ATRNL1: variants seen among roughly 807,000 people sequenced by gnomAD.
ATRNL1 encodes the protein attractin-like protein 1.
Under a neutral mutation model 182.7 loss-of-function variants are expected in ATRNL1, and 95 were observed. That is an observed-to-expected ratio of 0.52 (90% CI 0.44 to 0.62). The LOEUF (loss-of-function observed/expected upper bound fraction) is 0.62. Among genes scored for constraint, ATRNL1 ranks in the 20% least tolerant of loss-of-function variants. ATRNL1 has a pLI of 0.00. For missense variants in ATRNL1, 1,471 were observed against 1,679.5 expected, an observed-to-expected ratio of 0.88 and a Z score of 2.17; for synonymous variants, 576 against 568.3, an observed-to-expected ratio of 1.01 and a Z score of -0.19.
At chr10:115,540,704 C>G (rs1184441847) in intron 25 of ATRNL1, among the ~76,000 whole-genome samples, 1 of 147,630 alleles carries the variant, frequency 6.8e-6, no homozygotes, top group African/African-American at 2.5e-5. Flanking sequence ...TTGCAGTGAA[C>G]TAAGATCATG....
Position 115,160,127 on chromosome 10 carries a change from C to T in ATRNL1, c.917C>T (p.Ala306Val). 1 of 1,612,212 alleles carries T rather than the reference C, an allele frequency of 6.2e-7. No individual in the cohort carries two copies. Among genetic ancestry groups the T allele is most frequent in the South Asian group, 1.1e-5 (1 of 90,974 alleles). ...VKPFSPSVGR[A>V]SHKAVLHGKF... Reference sequence around the variant, plus strand: ...CCCTTCAGTCCTTCTGTAGGTCGGGCTTCACATAAAGCAGTTTTACACGGG... The same window carrying T: ...CCCTTCAGTCCTTCTGTAGGTCGGGTTTCACATAAAGCAGTTTTACACGGG... The change falls in exon 6 of 29, where the codon GCT becomes GTT. Residue 306 changes from alanine to valine, a missense_variant. By Grantham distance (64) the Ala-to-Val change is moderately conservative. This residue lies in a region of ATRNL1 where 1,031 missense variants were observed against 1,156.0 expected (regional missense o/e 0.89). Coordinates refer to ENST00000355044, the MANE Select transcript of ATRNL1 (RefSeq NM_207303.4).
chr10:115,550,155 C>G (rs189973089), intron 26 of ATRNL1, among the ~76,000 whole-genome samples: 1 of 151,600 alleles, frequency 6.6e-6, no homozygotes, highest in Admixed American at 6.6e-5. Flanking sequence ...TCGAAAGGAA[C>G]GAAGAAACAA....
At chr10:115,825,656 T>C (rs1216490915) in intron 27 of ATRNL1, among the ~76,000 whole-genome samples, 1 of 152,160 alleles carries the variant, frequency 6.6e-6, no homozygotes, top group African/African-American at 2.4e-5. Context: ...ACTTTTCCTG[T>C]TAATCGTCAG....
intron 27 of ATRNL1, among the ~76,000 whole-genome samples, chr10:115,844,865 GT>G (rs1950893127): frequency 6.6e-6 from 1 of 152,034 alleles, no homozygotes; most frequent in Non-Finnish European, 1.5e-5. Flanking sequence ...CAGTGAACAT[GT>G]TATGTCATTG....
chr10:115,856,543 G>C (rs1245633887), intron 28 of ATRNL1, among the ~76,000 whole-genome samples: 1 of 150,982 alleles, frequency 6.6e-6, no homozygotes, highest in African/African-American at 2.4e-5. Context: ...CCAACCTTTT[G>C]GCACCAGGGA....
chr10:115,124,981 C>T (rs1258165967), intron 3 of ATRNL1, among the ~76,000 whole-genome samples: 1 of 152,118 alleles, frequency 6.6e-6, no homozygotes, highest in Non-Finnish European at 1.5e-5. Flanking sequence ...TGTTGACTTT[C>T]ATCGTGAGTA....
chr10:115,512,298 T>G (rs1423769225), intron 24 of ATRNL1, among the ~76,000 whole-genome samples: 1 of 151,892 alleles, frequency 6.6e-6, no homozygotes, highest in Non-Finnish European at 1.5e-5. Context: ...TTAAAAGCAG[T>G]TGGCTAAATA....
At chr10:115,459,336 A>G (rs1316895049) in intron 21 of ATRNL1, among the ~76,000 whole-genome samples, 2 of 152,122 alleles carry the variant, frequency 1.3e-5, no homozygotes, top group Non-Finnish European at 2.9e-5. Flanking sequence ...ACAGAGCCAT[A>G]TTTCTCTTCT....
In ATRNL1 at chr10:115,402,113, T is replaced by C. The variant is rs189178515; in HGVS notation, c.3269+7361T>C. On this transcript the variant is annotated intron_variant, in intron 20 of 28. Coordinates refer to ENST00000355044, the MANE Select transcript of ATRNL1 (RefSeq NM_207303.4). ...TCTCTTGGTCAAATTCTGAATAATA[T>C]TATAAAAGGTATATTTTCAATTTAC... 2.0e-5 allele frequency among the ~76,000 whole-genome samples: 3 copies of C among 152,236 alleles called. No homozygotes were observed. In the East Asian group the frequency reaches 5.8e-4, roughly 29 times the overall value.
At chr10:115,885,306 G>A (rs189230530) in intron 28 of ATRNL1, among the ~76,000 whole-genome samples, 2 of 152,304 alleles carry the variant, frequency 1.3e-5, no homozygotes, top group East Asian at 3.9e-4. Flanking sequence ...CTCCTTGAAG[G>A]TGGGAAGATG....
intron 18 of ATRNL1, among the ~76,000 whole-genome samples, chr10:115,324,658 G>A (rs919141692): frequency 6.6e-6 from 1 of 152,034 alleles, no homozygotes; most frequent in East Asian, 1.9e-4. Context: ...ATATCCCAGG[G>A]GACTTAAAAT....
intron 26 of ATRNL1, among the ~76,000 whole-genome samples, chr10:115,621,317 T>A (rs782666778): frequency 0.028 from 2,215 of 79,084 alleles, 69 homozygotes; most frequent in African/African-American, 0.083. Flanking sequence ...AGAGAGAGTG[T>A]GTGAGTGAGT....
chr10:115,853,896 T>C (rs115140686), intron 28 of ATRNL1, among the ~76,000 whole-genome samples: 5,528 of 152,272 alleles, frequency 0.036, 293 homozygotes, highest in African/African-American at 0.11. Flanking sequence ...AAAAAATATC[T>C]GATATTAAAA....
intron 24 of ATRNL1, among the ~76,000 whole-genome samples, chr10:115,472,162 A>G (rs1331533893): frequency 2.0e-5 from 3 of 150,864 alleles, no homozygotes; most frequent in Non-Finnish European, 4.5e-5. Context: ...GACGCTGTCT[A>G]TGGGTTTATT....
intron 25 of ATRNL1, among the ~76,000 whole-genome samples, chr10:115,526,929 A>T (rs781795098): frequency 1.3e-5 from 2 of 151,948 alleles, no homozygotes; most frequent in African/African-American, 4.8e-5. Context: ...AGCAAAAGTT[A>T]CCCATCAAAG....
chr10:115,688,252 T>G (rs2133966013), intron 26 of ATRNL1, among the ~76,000 whole-genome samples: 1 of 152,322 alleles, frequency 6.6e-6, no homozygotes. Flanking sequence ...ATAGCTTTGC[T>G]ATCACGAACA....
chr10:115,153,624 A>T (rs1846354835), intron 5 of ATRNL1, among the ~76,000 whole-genome samples: 1 of 151,974 alleles, frequency 6.6e-6, no homozygotes, highest in Non-Finnish European at 1.5e-5. Flanking sequence ...TAGACTTGCT[A>T]GCGGTCTATC....
chr10:115,923,943 A>G (rs1416903736), intron 28 of ATRNL1, among the ~76,000 whole-genome samples: 1 of 152,168 alleles, frequency 6.6e-6, no homozygotes, highest in Non-Finnish European at 1.5e-5. Flanking sequence ...AACAATCACC[A>G]TTCTGACTGG....
intron 27 of ATRNL1, among the ~76,000 whole-genome samples, chr10:115,794,375 A>G (rs1949601293): frequency 6.6e-6 from 1 of 152,192 alleles, no homozygotes; most frequent in Admixed American, 6.5e-5. Context: ...TGGAGAAATT[A>G]ACACTGATGT....
Sources: gnomAD v4.1 joint callset for allele counts (sites outside exome capture counted in the v4.1 genomes callset) on GRCh38, gnomAD v4.1.1 for gene constraint, gnomAD v4.1.1 regional missense constraint, MANE v1.5 for transcripts, NCBI Gene and HGNC (gene_info 2026-07-23, HGNC 2026-07-21) for gene names.